Variants in EXOC6B observed in about 807,000 individuals in gnomAD.
EXOC6B encodes SEC15 homolog B.
EXOC6B carries 54 observed loss-of-function variants against 113.5 expected under a neutral mutation model. That is an observed-to-expected ratio of 0.48 (90% CI 0.38 to 0.60). The LOEUF (loss-of-function observed/expected upper bound fraction) is 0.60. EXOC6B is among the 20% of genes least tolerant of loss of function. The pLI is 0.00. For synonymous variants in EXOC6B, 357 were observed against 339.0 expected (o/e 1.05, Z -0.58); for missense variants, 797 against 977.5 (o/e 0.82, Z 2.46).
intron 18 of EXOC6B, among the ~76,000 whole-genome samples, chr2:72,413,495 C>A (rs1694318565): frequency 1.3e-5 from 2 of 150,610 alleles, no homozygotes; most frequent in African/African-American, 4.9e-5. Flanking sequence ...CCATCCTGGC[C>A]AGTATGGTGA....
At chr2:72,543,872 T>C (rs539027990) in intron 8 of EXOC6B, among the ~76,000 whole-genome samples, 17 of 152,286 alleles carry the variant, frequency 1.1e-4, no homozygotes, top group African/African-American at 4.1e-4. Flanking sequence ...AGACAACCTG[T>C]TAAGTGTCAG....
chr2:72,412,128 TG>T (rs561946359), intron 18 of EXOC6B, among the ~76,000 whole-genome samples: 19 of 152,178 alleles, frequency 1.2e-4, no homozygotes, highest in Admixed American at 3.9e-4. Flanking sequence ...TTATGAAGAA[TG>T]TAAGTCAAAG....
chr2:72,245,496 C>T (rs772471095), intron 20 of EXOC6B, among the ~76,000 whole-genome samples: 1 of 152,154 alleles, frequency 6.6e-6, no homozygotes, highest in Non-Finnish European at 1.5e-5. Context: ...AAGAAATGAG[C>T]TATCTAGCCA....
chr2:72,302,819 C>T (rs1172980668), intron 20 of EXOC6B, among the ~76,000 whole-genome samples: 1 of 151,770 alleles, frequency 6.6e-6, no homozygotes, highest in Non-Finnish European at 1.5e-5. Context: ...GGGCATTTAG[C>T]CCATTTACAT....
intron 20 of EXOC6B, among the ~76,000 whole-genome samples, chr2:72,279,830 C>G (rs1478298890): frequency 1.3e-5 from 2 of 151,688 alleles, no homozygotes; most frequent in African/African-American, 4.8e-5. Context: ...TTTTAAGAGA[C>G]AGGGTTTTGC....
chr2:72,501,760 A>AT (rs1313681365), intron 11 of EXOC6B, among the ~76,000 whole-genome samples: 1 of 54,790 alleles, frequency 1.8e-5, no homozygotes. Flanking sequence ...CAGAAAAAAA[A>AT]CACTTTTTTT....
intron 6 of EXOC6B, among the ~76,000 whole-genome samples, chr2:72,716,400 G>C (rs1029201806): frequency 6.6e-6 from 1 of 151,980 alleles, no homozygotes. Flanking sequence ...AAAGTACATG[G>C]TATTTTCTCT....
At chr2:72,234,927 G>A (rs771411759) in intron 20 of EXOC6B, among the ~76,000 whole-genome samples, 10 of 152,132 alleles carry the variant, frequency 6.6e-5, no homozygotes, top group Non-Finnish European at 1.0e-4. Flanking sequence ...TAGAGAAAAG[G>A]AAATGCTTAT....
rs531601510 is a variant in EXOC6B, at chr2:72,286,419, T to C, written c.2196+48528A>G. 7.9e-4 allele frequency among the ~76,000 whole-genome samples: 121 copies of C among 152,256 alleles called. 1 individual carries two copies. Among genetic ancestry groups the C allele is most frequent in the South Asian group, 4.8e-3 (23 of 4,826 alleles). ...TAATAAAGGTTACATACTACATGAT[T>C]CCAACTACATGACATTCCAGAAAAG... On this transcript the variant is annotated intron_variant, in intron 20 of 21. Transcript: ENST00000272427.
Position 72,435,722 on chromosome 2 carries a change from T to TG in EXOC6B, c.1980+29437_1980+29438insC, listed in dbSNP as rs201552467. On this transcript the variant is annotated intron_variant, in intron 18 of 21. Transcript: ENST00000272427. ...TAGGATTGCATCCCCTGCTTTTTTT[T>TG]TGTTTTTTTTTTGCTTTCCATTTGC... is the stretch of plus-strand genomic sequence containing the variant. Among the ~76,000 whole-genome samples the TG allele has an allele frequency of 7.2e-3, 1,036 of 143,898 alleles. 7 individuals carry two copies. The highest frequency in any genetic ancestry group is 0.012 in the African/African-American group (432 of 35,216). The allele number at this position is 143,898 out of a possible 152,430, so 94.4% of individuals were successfully genotyped here. A position where few individuals can be genotyped will look rare whatever the true frequency, so the allele number is the denominator to read the frequency against.
chr2:72,293,092 T>C (rs748708645), intron 20 of EXOC6B, among the ~76,000 whole-genome samples: 2 of 152,170 alleles, frequency 1.3e-5, no homozygotes, highest in Non-Finnish European at 2.9e-5. Context: ...ACATATTTAA[T>C]TTTATAAGAA....
chr2:72,244,731 C>T (rs563178835), intron 20 of EXOC6B, among the ~76,000 whole-genome samples: 4 of 151,900 alleles, frequency 2.6e-5, no homozygotes, highest in Non-Finnish European at 4.4e-5. Flanking sequence ...GACTGATACA[C>T]CATTAACATT....
chr2:72,334,300 T>C (rs1005086107), intron 20 of EXOC6B, among the ~76,000 whole-genome samples: 1 of 152,076 alleles, frequency 6.6e-6, no homozygotes, highest in African/African-American at 2.4e-5. Flanking sequence ...ATAGAATGAC[T>C]GGTTCTATCT....
At position 72,198,110 on chromosome 2, in the gene EXOC6B, C is replaced by T. The variant is rs560304436; in HGVS notation, c.2197-13923G>A. On this transcript the variant is annotated intron_variant, in intron 20 of 21. Coordinates refer to ENST00000272427, the MANE Select transcript of EXOC6B (RefSeq NM_015189.3). ...ACCAGTCCTAACTTTTGCCCACCAG[C>T]TGAGCTGACATATATGTCCCACAAA... Among the ~76,000 whole-genome samples, 78 of 152,294 alleles carry T rather than the reference C, an allele frequency of 5.1e-4. 1 individual carries two copies. Among genetic ancestry groups the T allele is most frequent in the African/African-American group, 1.6e-3 (67 of 41,564 alleles).
At chr2:72,409,754 T>G (rs1467866425) in intron 18 of EXOC6B, among the ~76,000 whole-genome samples, 8 of 151,542 alleles carry the variant, frequency 5.3e-5, no homozygotes, top group Non-Finnish European at 1.2e-4. Flanking sequence ...CATTAGGAGA[T>G]ATACCTAATG....
intron 11 of EXOC6B, among the ~76,000 whole-genome samples, chr2:72,510,311 C>T (rs1457206860): frequency 6.6e-6 from 1 of 151,956 alleles, no homozygotes; most frequent in African/African-American, 2.4e-5. Flanking sequence ...AGCAAATGAG[C>T]AATACCTAGA....
intron 18 of EXOC6B, among the ~76,000 whole-genome samples, chr2:72,413,761 T>C (rs1694344826): frequency 6.6e-6 from 1 of 152,076 alleles, no homozygotes; most frequent in South Asian, 2.1e-4. Context: ...ACTCCTGGCC[T>C]CAAGTGATTT....
At chr2:72,215,008 A>G (rs1317675204) in intron 20 of EXOC6B, among the ~76,000 whole-genome samples, 2 of 152,212 alleles carry the variant, frequency 1.3e-5, no homozygotes, top group Non-Finnish European at 2.9e-5. Context: ...ATCTTTCAAA[A>G]GCACAAGTGA....
intron 6 of EXOC6B, among the ~76,000 whole-genome samples, chr2:72,621,304 T>C (rs996813642): frequency 2.0e-5 from 3 of 152,064 alleles, no homozygotes; most frequent in Non-Finnish European, 2.9e-5. Flanking sequence ...TATATATATA[T>C]CATGGAATAC....
Sources: gnomAD v4.1 joint callset for allele counts (sites outside exome capture counted in the v4.1 genomes callset) on GRCh38, gnomAD v4.1.1 for gene constraint, MANE v1.5 for transcripts, NCBI Gene and HGNC (gene_info 2026-07-23, HGNC 2026-07-21) for gene names.